The following ACYP2 variants were observed in gnomAD, a reference collection of about 807,000 sequenced individuals.
ACYP2 encodes acylphosphatase-2.
ACYP2 carries 12 observed loss-of-function variants against 11.2 expected under a neutral mutation model. The ratio of observed to expected loss-of-function variants is 1.08; its 90% CI spans 0.69 to 1.74. The LOEUF (loss-of-function observed/expected upper bound fraction) is 1.74. Among genes scored for constraint, ACYP2 ranks in the 40% most tolerant of loss-of-function variants. The pLI, the probability that ACYP2 is intolerant of heterozygous loss-of-function variation, is 0.00. For synonymous variants in ACYP2, 43 were observed against 32.2 expected (o/e 1.33, Z -1.13); for missense variants, 134 against 101.9 (o/e 1.31, Z -1.35).
chr2:54,253,774 T>C (rs1687348285), intron 6 of ACYP2: 1 of 152,210 alleles, frequency 6.6e-6, no homozygotes, highest in Non-Finnish European at 1.5e-5. Context: ...CTGTAGTCCT[T>C]TAAACCCTCT....
At chr2:54,199,283 C>T (rs1684649348) in intron 6 of ACYP2, among the ~76,000 whole-genome samples, 1 of 152,190 alleles carries the variant, frequency 6.6e-6, no homozygotes, top group Non-Finnish European at 1.5e-5. Context: ...TCGTGAACAC[C>T]ATACCCACAT....
intron 4 of ACYP2, among the ~76,000 whole-genome samples, chr2:54,087,590 A>T (rs549079971): frequency 6.6e-6 from 1 of 152,146 alleles, no homozygotes; most frequent in East Asian, 1.9e-4. Context: ...GGCTCAAGCA[A>T]TCTGTCTGCC....
At chr2:54,074,578 T>TTGTGTG (rs59845178) in intron 4 of ACYP2, among the ~76,000 whole-genome samples, 1,686 of 146,018 alleles carry the variant, frequency 0.012, 31 homozygotes, top group African/African-American at 0.033. Flanking sequence ...AGAACAGAAT[T>TTGTGTG]TGTGTGTGTG....
intron 6 of ACYP2, among the ~76,000 whole-genome samples, chr2:54,302,801 G>T (rs555456830): frequency 6.6e-6 from 1 of 152,060 alleles, no homozygotes; most frequent in South Asian, 2.1e-4. Flanking sequence ...AAAAACTCTG[G>T]TGTCATCCTT....
At chr2:54,113,685 G>T (rs1486420167) in intron 4 of ACYP2, among the ~76,000 whole-genome samples, 1 of 152,184 alleles carries the variant, frequency 6.6e-6, no homozygotes, top group Admixed American at 6.5e-5. Flanking sequence ...TCGCAGAGAT[G>T]ACTGAGCGGG....
chr2:54,131,806 G>A (rs1025009905), intron 4 of ACYP2, among the ~76,000 whole-genome samples: 5 of 152,114 alleles, frequency 3.3e-5, no homozygotes, highest in African/African-American at 1.2e-4. Context: ...GTCAGCCATT[G>A]CTTCTAAACT....
At chr2:54,082,380 G>C (rs1417315553) in intron 4 of ACYP2, among the ~76,000 whole-genome samples, 1 of 151,918 alleles carries the variant, frequency 6.6e-6, no homozygotes, top group African/African-American at 2.4e-5. Flanking sequence ...TGAATAGCTG[G>C]GATTACAGGC....
chr2:54,215,033 T>C (rs140841874), intron 6 of ACYP2, among the ~76,000 whole-genome samples: 1 of 152,274 alleles, frequency 6.6e-6, no homozygotes, highest in Admixed American at 6.5e-5. Context: ...AACTGCAATT[T>C]TGGTTTGGCT....
Position 54,054,203 on chromosome 2 carries a change from GAT to G in ACYP2, c.156-3034_156-3033del, listed in dbSNP as rs140113887. Among the ~76,000 whole-genome samples, 7 of 152,318 alleles carry G rather than the reference GAT, an allele frequency of 4.6e-5. No individual in the cohort carries two copies. In the East Asian group the frequency reaches 1.2e-3, roughly 25 times the overall value. On this transcript the variant is annotated intron_variant, in intron 3 of 6. Transcript: ENST00000607452. ...TAGACTTCTGCCTACAATGGAATAA[GAT>G]AACTTATTCTGGGAACATTATTAGT...
At chr2:54,255,979 C>T (rs1372862146) in intron 6 of ACYP2, 1 of 1,614,138 alleles carries the variant, frequency 6.2e-7, no homozygotes, top group South Asian at 1.1e-5. Context: ...GGGCGCGACC[C>T]CCTCCTCTGG....
intron 2 of ACYP2, among the ~76,000 whole-genome samples, chr2:54,005,198 TA>T (rs1673000944): frequency 6.6e-6 from 1 of 152,232 alleles, no homozygotes; most frequent in South Asian, 2.1e-4. Flanking sequence ...GTGAAGTATG[TA>T]ATGTCTATAT....
intron 6 of ACYP2, among the ~76,000 whole-genome samples, chr2:54,303,149 A>G (rs1689792038): frequency 6.6e-6 from 1 of 152,214 alleles, no homozygotes; most frequent in Non-Finnish European, 1.5e-5. Flanking sequence ...TGAGGCCAGG[A>G]GACCAGCCTA....
intron 2 of ACYP2, among the ~76,000 whole-genome samples, chr2:53,978,327 G>A (rs563625996): frequency 1.2e-4 from 19 of 152,054 alleles, no homozygotes; most frequent in African/African-American, 4.6e-4. Context: ...GCAAAATGGA[G>A]TGACTGTGGA....
intron 6 of ACYP2, among the ~76,000 whole-genome samples, chr2:54,159,658 G>A (rs7567614): frequency 0.077 from 11,689 of 152,150 alleles, 762 homozygotes; most frequent in African/African-American, 0.18. Flanking sequence ...ACTGGGGTGA[G>A]AGAGGTAGGC....
At chr2:54,235,216 G>A (rs766266801) in intron 6 of ACYP2, among the ~76,000 whole-genome samples, 15 of 152,070 alleles carry the variant, frequency 9.9e-5, no homozygotes, top group Non-Finnish European at 1.5e-4. Flanking sequence ...AAGATGAGCT[G>A]AGGATGGGGA....
chr2:54,232,512 T>A (rs779479962), intron 6 of ACYP2, among the ~76,000 whole-genome samples: 3 of 152,118 alleles, frequency 2.0e-5, no homozygotes, highest in Non-Finnish European at 4.4e-5. Flanking sequence ...CCAAATCGCA[T>A]GGGCATCATG....
chr2:54,161,818 G>A (rs886797834), intron 6 of ACYP2, among the ~76,000 whole-genome samples: 1 of 152,178 alleles, frequency 6.6e-6, no homozygotes, highest in Admixed American at 6.5e-5. Context: ...ATAGGGTAGA[G>A]AGTGCTTTGT....
intron 6 of ACYP2, among the ~76,000 whole-genome samples, chr2:54,284,058 C>T (rs977806300): frequency 1.3e-5 from 2 of 152,220 alleles, no homozygotes; most frequent in African/African-American, 4.8e-5. Flanking sequence ...TTTCAGTGAG[C>T]CGAGATCGTG....
chr2:54,025,787 T>A (rs1674252191), intron 2 of ACYP2, among the ~76,000 whole-genome samples: 1 of 152,004 alleles, frequency 6.6e-6, no homozygotes, highest in African/African-American at 2.4e-5. Context: ...GCAAAAGAAA[T>A]AATCAGCAGA....
Sources: allele counts gnomAD v4.1 joint callset (sites outside exome capture counted in the v4.1 genomes callset), GRCh38; gene constraint gnomAD v4.1.1; transcripts MANE v1.5; gene names NCBI Gene and HGNC (gene_info 2026-07-23, HGNC 2026-07-21).